KIAA0825: variants seen among roughly 807,000 people sequenced by gnomAD.
KIAA0825 encodes KIAA0825.
A neutral mutation model predicts 147.6 loss-of-function variants in KIAA0825; 119 were observed. The ratio of observed to expected loss-of-function variants is 0.81; its 90% CI spans 0.69 to 0.94. The LOEUF is 0.94. KIAA0825 is among the 40% of genes least tolerant of loss of function. The pLI is 0.00. For missense variants in KIAA0825, 1,381 were observed against 1,472.7 expected (o/e 0.94, Z 1.02); for synonymous variants, 470 against 518.1 (o/e 0.91, Z 1.26).
chr5:94,386,105 G>T (rs1434319092), intron 19 of KIAA0825, 137 bp downstream of exon 19: 2 of 679,684 alleles, frequency 2.9e-6, no homozygotes, highest in Non-Finnish European at 4.9e-6. Flanking sequence ...AATTTGTACA[G>T]ACCATGTAAA....
At chr5:94,601,841 G>GA (rs1346310806) in intron 1 of KIAA0825, among the ~76,000 whole-genome samples, 6 of 152,042 alleles carry the variant, frequency 3.9e-5, no homozygotes, top group East Asian at 1.9e-4. Flanking sequence ...CAAGAACAGA[G>GA]AAAAAAAGAA....
intron 20 of KIAA0825, among the ~76,000 whole-genome samples, chr5:94,299,509 C>T (rs999336604): frequency 6.6e-6 from 1 of 152,066 alleles, no homozygotes; most frequent in Non-Finnish European, 1.5e-5. Context: ...GCCACCATTC[C>T]TTGCCTGAAT....
At chr5:94,287,715 A>G (rs1010984659) in intron 20 of KIAA0825, among the ~76,000 whole-genome samples, 9 of 152,198 alleles carry the variant, frequency 5.9e-5, no homozygotes, top group African/African-American at 1.9e-4. Context: ...GAACTTGTGA[A>G]ATGTCAGTCT....
intron 20 of KIAA0825, among the ~76,000 whole-genome samples, chr5:94,324,058 TG>T (rs1780451082): frequency 6.6e-6 from 1 of 151,998 alleles, no homozygotes; most frequent in Non-Finnish European, 1.5e-5. Flanking sequence ...TTGATTAGAT[TG>T]CCTCCAACTT....
intron 20 of KIAA0825, among the ~76,000 whole-genome samples, chr5:94,226,343 A>G (rs1001806199): frequency 3.3e-5 from 5 of 152,142 alleles, no homozygotes; most frequent in African/African-American, 9.7e-5. Context: ...TAGAATGGCT[A>G]TCACTAAAAA....
intron 3 of KIAA0825, among the ~76,000 whole-genome samples, chr5:94,527,382 T>C (rs890518598): frequency 6.6e-5 from 10 of 152,038 alleles, no homozygotes; most frequent in Admixed American, 3.3e-4. Context: ...ATTTCAAAAG[T>C]ATTATCCAGT....
At chr5:94,312,605 A>T (rs769074071) in intron 20 of KIAA0825, among the ~76,000 whole-genome samples, 68 of 151,840 alleles carry the variant, frequency 4.5e-4, no homozygotes, top group Middle Eastern at 3.4e-3. Context: ...AATATGGTGT[A>T]AAAAAACTCA....
At chr5:94,238,984 A>C (rs1775210644) in intron 20 of KIAA0825, among the ~76,000 whole-genome samples, 1 of 152,294 alleles carries the variant, frequency 6.6e-6, no homozygotes, top group African/African-American at 2.4e-5. Flanking sequence ...AATTTGCAGA[A>C]CTTTTGGTTT....
chr5:94,186,198 G>A (rs1196937311), intron 20 of KIAA0825, among the ~76,000 whole-genome samples: 1 of 152,142 alleles, frequency 6.6e-6, no homozygotes, highest in Non-Finnish European at 1.5e-5. Flanking sequence ...TAGTTTAAGA[G>A]TTATGTGTAT....
In KIAA0825 at chr5:94,473,351, G is replaced by T. The variant is rs1408940115; in HGVS notation, c.1396C>A (p.Gln466Lys). The T allele has an allele frequency of 6.4e-7, 1 of 1,551,780 alleles. No individual in the cohort carries two copies. The highest frequency in any genetic ancestry group is 2.0e-5 in the Admixed American group (1 of 51,004). Reference sequence around the variant, plus strand: ...AACATATGGCTGTCTTGCCAAACTTGCTGGACATTTACAAGGTTCATAGCA... The same window carrying T: ...AACATATGGCTGTCTTGCCAAACTTTCTGGACATTTACAAGGTTCATAGCA... ...SYAMNLVNVQ[Q>K]VWQDSHMFPE... Residue 466 changes from glutamine (Q) to lysine (K), a missense_variant, in exon 8 of 21, where the codon CAA (glutamine) becomes AAA (lysine). Physicochemically the swap from Gln to Lys is moderately conservative, Grantham distance 53. Coordinates refer to ENST00000682413, the MANE Select transcript of KIAA0825 (RefSeq NM_001145678.3).
intron 1 of KIAA0825, among the ~76,000 whole-genome samples, chr5:94,612,375 G>C (rs1585043453): frequency 6.6e-6 from 1 of 152,156 alleles, no homozygotes; most frequent in African/African-American, 2.4e-5. Flanking sequence ...TTTGGCTTTT[G>C]GACTCTGCAC....
chr5:94,352,267 C>G (rs1003720471), intron 20 of KIAA0825, among the ~76,000 whole-genome samples: 1 of 152,080 alleles, frequency 6.6e-6, no homozygotes, highest in African/African-American at 2.4e-5. Flanking sequence ...AGGACATAAA[C>G]AGACAATCCT....
chr5:94,493,837 A>T (rs966355249), intron 5 of KIAA0825, among the ~76,000 whole-genome samples: 5 of 152,002 alleles, frequency 3.3e-5, no homozygotes, highest in African/African-American at 1.2e-4. Flanking sequence ...TGTTGCACTA[A>T]AATTTGCACC....
intron 5 of KIAA0825, among the ~76,000 whole-genome samples, chr5:94,499,597 G>T (rs901595146): frequency 7.2e-6 from 1 of 139,858 alleles, no homozygotes; most frequent in Non-Finnish European, 1.6e-5. Context: ...GGGGGGGGGG[G>T]GGACCAAGGG....
In KIAA0825 at chr5:94,484,756, A is replaced by T; in HGVS notation, c.1132+13T>A. 1 of 1,439,364 alleles carries T rather than the reference A, an allele frequency of 6.9e-7. No homozygotes were observed. 89.2% of individuals were successfully genotyped at this position (1,439,364 alleles called of 1,614,324 possible). On this transcript the variant is annotated intron_variant, in intron 6 of 20. Transcript: ENST00000682413. ...ATTATAGATTTACAAATTTAAACAA[A>T]AGAGGATATTACCTGAAGTATCCCT... is the stretch of plus-strand genomic sequence containing the variant.
chr5:94,417,194 C>T lies in KIAA0825; in HGVS notation c.2662+7G>A. The stretch of plus-strand genomic sequence containing the variant: ...CATTTCTTTTACAAACAGTAAATGT[C>T]TCATACCTGGGATGTTATATAAAAA... On this transcript the variant is annotated splice_region_variant and intron_variant, in intron 15 of 20. Coordinates refer to ENST00000682413, the MANE Select transcript of KIAA0825 (RefSeq NM_001145678.3). The T allele has an allele frequency of 6.5e-7, 1 of 1,549,398 alleles. No individual in the cohort carries two copies. The highest frequency in any genetic ancestry group is 8.7e-7 in the Non-Finnish European group (1 of 1,145,418).
In KIAA0825 at chr5:94,506,921, G is replaced by C. The variant is rs565828245; in HGVS notation, c.970+13327C>G. 1.2e-4 allele frequency among the ~76,000 whole-genome samples: 18 copies of C among 152,174 alleles called. No homozygotes were observed. In the South Asian group the frequency reaches 3.1e-3, roughly 26 times the overall value. ...TGTAATTCTTATGATGATGATGAAA[G>C]CACCAAAATCTAGACACTTGAGGTG... On this transcript the variant is annotated intron_variant, in intron 5 of 20. Coordinates refer to ENST00000682413, the MANE Select transcript of KIAA0825 (RefSeq NM_001145678.3).
At chr5:94,431,786 T>A (rs10463188) in intron 14 of KIAA0825, among the ~76,000 whole-genome samples, 70,377 of 151,866 alleles carry the variant, frequency 0.46, 16,506 homozygotes, top group Middle Eastern at 0.52. Context: ...CTGCAGGGAG[T>A]TTGCTATTAT....
chr5:94,197,854 T>C (rs1243843038), intron 20 of KIAA0825, among the ~76,000 whole-genome samples: 1 of 152,244 alleles, frequency 6.6e-6, no homozygotes, highest in East Asian at 1.9e-4. Context: ...ATCAGTACCA[T>C]GCTGTTTGGT....
Sources: gnomAD v4.1 joint callset for allele counts (sites outside exome capture counted in the v4.1 genomes callset) on GRCh38, gnomAD v4.1.1 for gene constraint, MANE v1.5 for transcripts, NCBI Gene and HGNC (gene_info 2026-07-23, HGNC 2026-07-21) for gene names.